The following LUZP2 variants were observed in gnomAD, a reference collection of about 807,000 sequenced individuals.
The protein encoded by LUZP2 is leucine zipper protein 2.
A neutral mutation model predicts 51.6 loss-of-function variants in LUZP2; 52 were observed. The ratio of observed to expected loss-of-function variants is 1.01; its 90% CI spans 0.81 to 1.27. LUZP2 has a LOEUF of 1.27. Ranked by LOEUF, LUZP2 falls within the 50% of genes most tolerant of loss-of-function variation. The pLI is 0.00. For missense variants in LUZP2, 436 were observed against 395.4 expected (o/e 1.10, Z -0.87); for synonymous variants, 154 against 137.3 (o/e 1.12, Z -0.85).
At chr11:25,065,156 ATGTTCTTGTAGTCAATGATGATTT>A (rs1213123015) in intron 10 of LUZP2, among the ~76,000 whole-genome samples, 2 of 152,064 alleles carry the variant, frequency 1.3e-5, no homozygotes, top group Non-Finnish European at 2.9e-5. Flanking sequence ...AAAGAGCCAA[ATGTTCTTGTAGTCAATGATGATTT>A]TGGTCATGCA....
rs1229181361 is a variant in LUZP2, at chr11:24,641,051, GT to G, written c.63-88117del. On this transcript the variant is annotated intron_variant, in intron 1 of 11. Transcript: ENST00000336930. ...GCCTCAGCCTCCCAAGTAGCTAGGA[GT>G]ACAGGTATGTGCCACCATGGCCAGC... Among the ~76,000 whole-genome samples the G allele has an allele frequency of 2.0e-4, 30 of 151,226 alleles. 1 individual carries two copies. The highest frequency in any genetic ancestry group is 1.9e-3 in the Admixed American group (29 of 15,180).
At chr11:24,526,259 AG>A (rs1294807276) in intron 1 of LUZP2, among the ~76,000 whole-genome samples, 4 of 76,714 alleles carry the variant, frequency 5.2e-5, no homozygotes, top group African/African-American at 2.3e-4. Context: ...TCATGACACT[AG>A]GGGGCAAAAA....
intron 5 of LUZP2, among the ~76,000 whole-genome samples, chr11:24,795,146 T>C (rs1849513607): frequency 6.6e-6 from 1 of 152,180 alleles, no homozygotes; most frequent in Non-Finnish European, 1.5e-5. Context: ...ATAGTAATCA[T>C]ATGGACAATA....
chr11:25,038,214 TA>T (rs1225864905), intron 9 of LUZP2, among the ~76,000 whole-genome samples: 1 of 152,168 alleles, frequency 6.6e-6, no homozygotes, highest in Non-Finnish European at 1.5e-5. Flanking sequence ...TTAAATTCTT[TA>T]AAAAATTTTT....
At chr11:24,711,902 G>A (rs1857841106) in intron 1 of LUZP2, among the ~76,000 whole-genome samples, 2 of 152,034 alleles carry the variant, frequency 1.3e-5, no homozygotes, top group Non-Finnish European at 2.9e-5. Flanking sequence ...ATTATGACTA[G>A]CTTTTATAAA....
At chr11:24,832,105 T>G (rs1850720853) in intron 5 of LUZP2, 1 of 152,152 alleles carries the variant, frequency 6.6e-6, no homozygotes, top group Admixed American at 6.6e-5. Flanking sequence ...TTCTATAAAA[T>G]TGGATATAAT....
At chr11:24,742,397 G>T (rs1191274981) in intron 4 of LUZP2, among the ~76,000 whole-genome samples, 2 of 151,838 alleles carry the variant, frequency 1.3e-5, no homozygotes, top group East Asian at 3.9e-4. Flanking sequence ...GGCCATTCTT[G>T]CAGGAGTAAG....
intron 5 of LUZP2, among the ~76,000 whole-genome samples, chr11:24,876,183 C>A (rs1163068956): frequency 1.3e-5 from 2 of 148,908 alleles, no homozygotes; most frequent in African/African-American, 5.0e-5. Flanking sequence ...ATGCCTATGT[C>A]CTGAATGGTA....
chr11:25,010,568 C>T (rs958385696), intron 9 of LUZP2, among the ~76,000 whole-genome samples: 7 of 151,500 alleles, frequency 4.6e-5, no homozygotes, highest in Non-Finnish European at 1.0e-4. Flanking sequence ...ACAATAAGGC[C>T]GGGAGTGGTG....
At position 24,889,923 on chromosome 11, in the gene LUZP2, T is replaced by A. The variant is rs543889205; in HGVS notation, c.397-16068T>A. 2.0e-5 allele frequency among the ~76,000 whole-genome samples: 3 copies of A among 152,320 alleles called. No homozygotes were observed. In the East Asian group the frequency reaches 5.8e-4, roughly 29 times the overall value. On this transcript the variant is annotated intron_variant, in intron 5 of 11. Coordinates refer to ENST00000336930, the MANE Select transcript of LUZP2 (RefSeq NM_001009909.4). ...CTTTCCTGTGCTCATCCAGGTGCAT[T>A]GTACAAGTATATCATAAATGCTTTA...
intron 7 of LUZP2, among the ~76,000 whole-genome samples, chr11:24,925,879 T>G (rs1854211978): frequency 6.6e-6 from 1 of 152,056 alleles, no homozygotes; most frequent in Non-Finnish European, 1.5e-5. Context: ...TGTAGTCATT[T>G]ATCCCTCACC....
At chr11:24,816,010 A>T (rs1355157299) in intron 5 of LUZP2, among the ~76,000 whole-genome samples, 321 of 40,464 alleles carry the variant, frequency 7.9e-3, no homozygotes, top group East Asian at 0.058. Flanking sequence ...TTTTTTTAAA[A>T]AAAAAAAAAA....
intron 5 of LUZP2, among the ~76,000 whole-genome samples, chr11:24,874,153 G>GT (rs1565031610): frequency 6.6e-6 from 1 of 152,118 alleles, no homozygotes; most frequent in African/African-American, 2.4e-5. Context: ...TAAAATGAAG[G>GT]TTTTTGGGCC....
chr11:24,663,935 A>T (rs932491890), intron 1 of LUZP2, among the ~76,000 whole-genome samples: 4 of 152,158 alleles, frequency 2.6e-5, no homozygotes, highest in African/African-American at 9.7e-5. Flanking sequence ...GCCATGTGGA[A>T]CTGTGAGGAT....
At chr11:25,029,969 A>G (rs10160634) in intron 9 of LUZP2, among the ~76,000 whole-genome samples, 11,544 of 152,188 alleles carry the variant, frequency 0.076, 1,403 homozygotes, top group African/African-American at 0.26. Flanking sequence ...TGTACATAAC[A>G]TAATAAAACA....
At chr11:24,681,035 G>A (rs1856718822) in intron 1 of LUZP2, among the ~76,000 whole-genome samples, 1 of 148,176 alleles carries the variant, frequency 6.7e-6, no homozygotes, top group African/African-American at 2.5e-5. Flanking sequence ...ACTGCGGACT[G>A]CAGTGGCGCA....
chr11:24,690,998 T>A (rs1414716500), intron 1 of LUZP2, among the ~76,000 whole-genome samples: 1 of 152,086 alleles, frequency 6.6e-6, no homozygotes, highest in Non-Finnish European at 1.5e-5. Flanking sequence ...TGTTTTCTGT[T>A]TAAAAATAAT....
At chr11:24,659,264 C>T (rs1429261550) in intron 1 of LUZP2, among the ~76,000 whole-genome samples, 5 of 152,172 alleles carry the variant, frequency 3.3e-5, no homozygotes, top group Admixed American at 3.3e-4. Flanking sequence ...AGTTCATGTC[C>T]TTTGTAGGGA....
intron 5 of LUZP2, among the ~76,000 whole-genome samples, chr11:24,868,799 C>T (rs928001892): frequency 1.2e-4 from 18 of 152,086 alleles, no homozygotes; most frequent in African/African-American, 4.1e-4. Context: ...CTGCCTCCAA[C>T]TCTTGCTATA....
Sources: gnomAD v4.1 joint callset for allele counts (sites outside exome capture counted in the v4.1 genomes callset) on GRCh38, gnomAD v4.1.1 for gene constraint, MANE v1.5 for transcripts, NCBI Gene and HGNC (gene_info 2026-07-23, HGNC 2026-07-21) for gene names.